Variants in SH3RF3 observed in about 807,000 individuals in gnomAD.
The protein encoded by SH3RF3 is E3 ubiquitin-protein ligase SH3RF3.
Under a neutral mutation model 66.3 loss-of-function variants are expected in SH3RF3, and 29 were observed. The observed-to-expected ratio is 0.44, with a 90% CI of 0.33 to 0.60. The LOEUF is 0.60. Among genes scored for constraint, SH3RF3 ranks in the 20% least tolerant of loss-of-function variants. The pLI is 0.04. For synonymous variants in SH3RF3, 583 were observed against 532.0 expected (o/e 1.10, Z -1.32); for missense variants, 1,194 against 1,190.9 (o/e 1.00, Z -0.04).
At chr2:109,470,764 G>A (rs1045655069) in intron 8 of SH3RF3, among the ~76,000 whole-genome samples, 4 of 152,306 alleles carry the variant, frequency 2.6e-5, no homozygotes, top group Non-Finnish European at 5.9e-5. Flanking sequence ...AGCCACCCCT[G>A]TTCCACAGGC....
In SH3RF3 at chr2:109,432,518, C is replaced by A; in HGVS notation, c.1421C>A (p.Ala474Asp). Residue 474 changes from alanine to aspartate, a missense_variant, in exon 6 of 10, where the codon GCC becomes GAC. Physicochemically the swap from Ala to Asp is moderately radical, Grantham distance 126. Transcript: ENST00000309415. ...GCCCGCAGGTACCTGGCGCTCTACG[C>A]CTACAAGCCCCAGAAGAGTGACGAG... Reference protein sequence around the residue: ...LPLNVYLALYAYKPQKSDELE... With the variant: ...LPLNVYLALYDYKPQKSDELE... 1 of 1,613,554 alleles carries A rather than the reference C, an allele frequency of 6.2e-7. No homozygotes were observed. Among genetic ancestry groups the A allele is most frequent in the Non-Finnish European group, 8.5e-7 (1 of 1,179,790 alleles).
chr2:109,436,614 T>C (rs533189523), intron 6 of SH3RF3, among the ~76,000 whole-genome samples: 1 of 152,368 alleles, frequency 6.6e-6, no homozygotes, highest in East Asian at 1.9e-4. Context: ...ATTAAGGCAG[T>C]AGCTGTGGTA....
At chr2:109,394,597 A>G (rs979049087) in intron 3 of SH3RF3, among the ~76,000 whole-genome samples, 6 of 152,218 alleles carry the variant, frequency 3.9e-5, no homozygotes, top group East Asian at 1.9e-4. Flanking sequence ...GAAGTTGAAA[A>G]TGTGTTCTCT....
At chr2:109,283,544 C>T (rs981239879) in intron 1 of SH3RF3, among the ~76,000 whole-genome samples, 8 of 152,114 alleles carry the variant, frequency 5.3e-5, no homozygotes, top group African/African-American at 1.4e-4. Context: ...CACCCAGGGC[C>T]GAGGTAAGAT....
intron 1 of SH3RF3, among the ~76,000 whole-genome samples, chr2:109,162,249 G>A (rs752417821): frequency 1.3e-5 from 2 of 152,178 alleles, no homozygotes; most frequent in Admixed American, 1.3e-4. Flanking sequence ...GAAGACAAGT[G>A]GTGGTGGAGC....
chr2:109,394,178 C>G (rs1388897721), intron 3 of SH3RF3, among the ~76,000 whole-genome samples: 4 of 152,236 alleles, frequency 2.6e-5, no homozygotes, highest in Non-Finnish European at 5.9e-5. Flanking sequence ...CTAGACAGTT[C>G]TGTGGTTGGA....
intron 1 of SH3RF3, among the ~76,000 whole-genome samples, chr2:109,280,770 C>T (rs957198026): frequency 1.1e-4 from 16 of 152,166 alleles, no homozygotes; most frequent in African/African-American, 2.7e-4. Context: ...GCCTCGAGGG[C>T]GCTGCAGGGT....
intron 3 of SH3RF3, among the ~76,000 whole-genome samples, chr2:109,379,432 G>A (rs1466966944): frequency 1.3e-5 from 2 of 151,982 alleles, no homozygotes; most frequent in Admixed American, 6.6e-5. Context: ...CGAGCCCCTC[G>A]CATGTTTGTT....
chr2:109,190,330 C>T (rs149452831), intron 1 of SH3RF3, among the ~76,000 whole-genome samples: 1,975 of 152,326 alleles, frequency 0.013, 17 homozygotes, highest in Middle Eastern at 0.02. Context: ...TCTGCCACCA[C>T]GCCTGGCTAA....
intron 2 of SH3RF3, among the ~76,000 whole-genome samples, chr2:109,361,919 G>A (rs181281238): frequency 6.6e-6 from 1 of 152,178 alleles, no homozygotes; most frequent in East Asian, 1.9e-4. Flanking sequence ...ATACAGGGAT[G>A]CCCCCTCTTT....
intron 8 of SH3RF3, among the ~76,000 whole-genome samples, chr2:109,475,722 C>T (rs1170674209): frequency 6.6e-6 from 1 of 152,264 alleles, no homozygotes; most frequent in Non-Finnish European, 1.5e-5. Flanking sequence ...CCAGCTGTGA[C>T]AGCTGAAAAT....
At chr2:109,284,486 A>G (rs963984951) in intron 1 of SH3RF3, among the ~76,000 whole-genome samples, 1 of 152,156 alleles carries the variant, frequency 6.6e-6, no homozygotes, top group Non-Finnish European at 1.5e-5. Context: ...CACCCCTCCC[A>G]TCACTCTCCT....
At chr2:109,179,698 A>G (rs1247121874) in intron 1 of SH3RF3, among the ~76,000 whole-genome samples, 1 of 152,116 alleles carries the variant, frequency 6.6e-6, no homozygotes, top group Non-Finnish European at 1.5e-5. Flanking sequence ...AAGTCCCATC[A>G]TGGGGGCCCT....
intron 8 of SH3RF3, among the ~76,000 whole-genome samples, chr2:109,452,127 A>G (rs1677890008): frequency 6.6e-6 from 1 of 152,230 alleles, no homozygotes; most frequent in African/African-American, 2.4e-5. Context: ...AGCAGGGCCC[A>G]AGGCATTTAC....
At chr2:109,324,790 C>T (rs1682109867) in intron 1 of SH3RF3, among the ~76,000 whole-genome samples, 1 of 152,100 alleles carries the variant, frequency 6.6e-6, no homozygotes, top group South Asian at 2.1e-4. Context: ...GGATAGAGAC[C>T]AACTATGAAT....
intron 8 of SH3RF3, among the ~76,000 whole-genome samples, chr2:109,482,059 C>T (rs1164419100): frequency 6.6e-6 from 1 of 152,194 alleles, no homozygotes. Context: ...TTAATTTTCA[C>T]GATAAGGCAG....
chr2:109,455,364 C>T (rs573071583), intron 8 of SH3RF3, among the ~76,000 whole-genome samples: 44 of 152,200 alleles, frequency 2.9e-4, no homozygotes, highest in South Asian at 2.1e-4. Flanking sequence ...TGTGGATGAC[C>T]GACATAATCA....
intron 2 of SH3RF3, among the ~76,000 whole-genome samples, chr2:109,365,034 GAC>G (rs556874542): frequency 2.7e-4 from 41 of 149,612 alleles, no homozygotes; most frequent in East Asian, 1.6e-3. Context: ...AAGAAACACA[GAC>G]ACACACACAC....
At chr2:109,496,882 G>T (rs1378776990) in intron 9 of SH3RF3, among the ~76,000 whole-genome samples, 1 of 152,178 alleles carries the variant, frequency 6.6e-6, no homozygotes, top group African/African-American at 2.4e-5. Context: ...AATCACAAAG[G>T]GTCCTTATGA....
Sources: gnomAD v4.1 joint callset for allele counts (sites outside exome capture counted in the v4.1 genomes callset) on GRCh38, gnomAD v4.1.1 for gene constraint, MANE v1.5 for transcripts, NCBI Gene and HGNC (gene_info 2026-07-23, HGNC 2026-07-21) for gene names.